The following L3HYPDH variants were observed in gnomAD, a reference collection of about 807,000 sequenced individuals.
L3HYPDH encodes the protein trans-L-3-hydroxyproline dehydratase.
L3HYPDH carries 32 observed loss-of-function variants against 26.5 expected under a neutral mutation model. That is an observed-to-expected ratio of 1.21 (90% CI 0.91 to 1.62). L3HYPDH has a LOEUF of 1.62. Among genes scored for constraint, L3HYPDH ranks in the 40% most tolerant of loss-of-function variants. The pLI, the probability that L3HYPDH is intolerant of heterozygous loss-of-function variation, is 0.00. For missense variants in L3HYPDH, 554 were observed against 476.4 expected (o/e 1.16, Z -1.52); for synonymous variants, 215 against 196.6 (o/e 1.09, Z -0.78).
intron 4 of L3HYPDH, chr14:59,474,406 T>C: frequency 1.5e-6 from 1 of 647,894 alleles, no homozygotes; most frequent in Non-Finnish European, 2.8e-6. Context: ...GTGCCTTATA[T>C]GGAAGTTCTA....
At chr14:59,494,240 T>A in the L3HYPDH span, among the ~76,000 whole-genome samples, 1 of 149,846 alleles carries the variant, frequency 6.7e-6, no homozygotes, top group Non-Finnish European at 1.5e-5. Flanking sequence ...TTAGAACATG[T>A]TTATAAAAAG....
At chr14:59,480,099 G>A (rs745400707) in intron 1 of L3HYPDH, among the ~76,000 whole-genome samples, 1 of 152,158 alleles carries the variant, frequency 6.6e-6, no homozygotes, top group Admixed American at 6.5e-5. Context: ...CTAGCTTGGT[G>A]ATCACTGCCT....
chr14:59,505,145 G>C, the L3HYPDH span: 2 of 518,364 alleles, frequency 3.9e-6, no homozygotes, highest in Non-Finnish European at 3.2e-6. Flanking sequence ...AAATGTTTAA[G>C]ACTTCTATTA....
chr14:59,486,868 C>A, upstream of L3HYPDH: 1 of 1,124,164 alleles, frequency 8.9e-7, no homozygotes, highest in Non-Finnish European at 1.3e-6. Flanking sequence ...AATATTTTCA[C>A]ATACAACATT....
intron 1 of L3HYPDH, among the ~76,000 whole-genome samples, chr14:59,483,047 G>A (rs1890151653): frequency 6.6e-6 from 1 of 152,156 alleles, no homozygotes; most frequent in Admixed American, 6.5e-5. Flanking sequence ...AGAGAATCCA[G>A]CAAAACCTTT....
chr14:59,472,195 A>G (rs898597391), downstream of L3HYPDH, among the ~76,000 whole-genome samples: 1 of 152,252 alleles, frequency 6.6e-6, no homozygotes, highest in Non-Finnish European at 1.5e-5. Flanking sequence ...AATAGTAAGC[A>G]TTTATTTCAT....
At chr14:59,498,703 C>G in the L3HYPDH span, 7 of 1,245,690 alleles carry the variant, frequency 5.6e-6, no homozygotes, top group Non-Finnish European at 7.8e-6. Flanking sequence ...TTTGATGTTA[C>G]AAATTCTTTA....
chr14:59,484,759 G>T, upstream of L3HYPDH: 1 of 987,484 alleles, frequency 1.0e-6, no homozygotes, highest in South Asian at 1.6e-5. Context: ...CTGCGGGGTT[G>T]GGGTGGTCTG....
chr14:59,489,617 T>A, the L3HYPDH span, among the ~76,000 whole-genome samples: 3 of 152,272 alleles, frequency 2.0e-5, no homozygotes, highest in African/African-American at 7.2e-5. Flanking sequence ...GGTATCTTTA[T>A]AGCACTGCCC....
the L3HYPDH span, chr14:59,498,713 A>C: frequency 2.2e-6 from 3 of 1,337,812 alleles, no homozygotes; most frequent in Non-Finnish European, 3.1e-6. Context: ...CAAATTCTTT[A>C]TTTTATTTTA....
intron 4 of L3HYPDH, among the ~76,000 whole-genome samples, chr14:59,474,120 C>T (rs544433101): frequency 2.0e-5 from 3 of 152,206 alleles, no homozygotes; most frequent in African/African-American, 7.2e-5. Flanking sequence ...TTTTATAAAG[C>T]TGCTGTAGTG....
In L3HYPDH at chr14:59,483,987, C is replaced by A; in HGVS notation, c.330G>T (p.Ala110=). Residue 110 remains alanine (A), a synonymous_variant, in exon 1 of 5, where the codon GCG becomes GCT. Transcript: ENST00000247194. ...CGAAGTCCAAAGCGAAGCGGCCCAG[C>A]GCCAGCACTGCGTGGCCGCACATGG... ...YSSMCGHAVL[A]LGRFALDFGL... The A allele has an allele frequency of 1.9e-6, 3 of 1,587,030 alleles. No individual in the cohort carries two copies. Among genetic ancestry groups the A allele is most frequent in the Non-Finnish European group, 2.6e-6 (3 of 1,171,936 alleles).
chr14:59,479,096 TTTAA>T, intron 2 of L3HYPDH, 82 bp downstream of exon 2: 5 of 1,009,650 alleles, frequency 5.0e-6, no homozygotes, highest in East Asian at 2.7e-5. Context: ...TTAAACATCA[TTTAA>T]TTTTCTTTAT....
At chr14:59,496,763 T>C in the L3HYPDH span, among the ~76,000 whole-genome samples, 9 of 152,174 alleles carry the variant, frequency 5.9e-5, no homozygotes, top group African/African-American at 7.2e-5. Context: ...TGAATCAAGA[T>C]TGTTTGTTTT....
downstream of L3HYPDH, among the ~76,000 whole-genome samples, chr14:59,469,435 A>G (rs1889260531): frequency 6.6e-6 from 1 of 151,870 alleles, no homozygotes. Context: ...GGCACCTGTA[A>G]TCCCAGCTAC....
At chr14:59,484,509 A>G, upstream of L3HYPDH, 2 of 1,526,928 alleles carry the variant, frequency 1.3e-6, no homozygotes, top group Non-Finnish European at 8.9e-7. Flanking sequence ...GGAGCCGCCG[A>G]GCTCGCTGTG....
the L3HYPDH span, among the ~76,000 whole-genome samples, chr14:59,494,524 C>G: frequency 1.3e-5 from 2 of 152,188 alleles, no homozygotes; most frequent in Non-Finnish European, 2.9e-5. Context: ...AGCAGAAATA[C>G]AGTTGGGATA....
In L3HYPDH at chr14:59,473,157, G is replaced by GTAC. The variant is rs1317322171; in HGVS notation, c.940-70_940-68dup. 4.9e-6 allele frequency: 7 copies of GTAC among 1,428,814 alleles called. No homozygotes were observed. In the East Asian group the frequency reaches 1.8e-4, roughly 36 times the overall value. 88.5% of individuals were successfully genotyped at this position (1,428,814 alleles called of 1,614,324 possible). ...TCGTATTATATCTGGCTTGAAAACT[G>GTAC]TACTCTTGACTTTTATCATGTGAAG... On this transcript the variant is annotated intron_variant, in intron 4 of 4. Transcript: ENST00000247194.
the L3HYPDH span, chr14:59,503,948 T>A: frequency 6.2e-7 from 1 of 1,613,548 alleles, no homozygotes. Flanking sequence ...ATTTCCAGAG[T>A]GGATAAACTT....
Sources: gnomAD v4.1 joint callset for allele counts (sites outside exome capture counted in the v4.1 genomes callset) on GRCh38, gnomAD v4.1.1 for gene constraint, MANE v1.5 for transcripts, NCBI Gene and HGNC (gene_info 2026-07-23, HGNC 2026-07-21) for gene names.